Variants in JARID2 observed in about 807,000 individuals in gnomAD.
JARID2 encodes the protein jumonji and AT-rich interaction domain containing 2, also known as protein Jumonji.
In JARID2, 21 loss-of-function variants were observed where a neutral mutation model predicts 125.6. That is an observed-to-expected ratio of 0.17 (90% CI 0.12 to 0.24). The LOEUF is 0.24. Among genes scored for constraint, JARID2 ranks in the 10% least tolerant of loss-of-function variants. The pLI is 1.00. For synonymous variants in JARID2, 736 were observed against 661.6 expected (o/e 1.11, Z -1.73); for missense variants, 1,303 against 1,639.6 (o/e 0.79, Z 3.55).
intron 7 of JARID2, among the ~76,000 whole-genome samples, 186 bp from the exon 8 acceptor site, chr6:15,500,721 A>G (rs938268752): frequency 6.6e-6 from 1 of 152,108 alleles, no homozygotes. Flanking sequence ...GCAAGTGGTC[A>G]TGACCCATCA....
intron 5 of JARID2, among the ~76,000 whole-genome samples, chr6:15,473,526 C>T (rs1010789424): frequency 1.5e-5 from 1 of 67,226 alleles, no homozygotes; most frequent in Non-Finnish European, 4.4e-5. Context: ...CCCCCCCCCC[C>T]CCCCGCTTTG....
intron 5 of JARID2, among the ~76,000 whole-genome samples, chr6:15,469,346 T>TCC (rs1768931118): frequency 9.3e-5 from 1 of 10,788 alleles, no homozygotes; most frequent in African/African-American, 5.1e-4. Flanking sequence ...CCTGTCTCTC[T>TCC]CTCTCTCTCT....
At chr6:15,306,217 T>C (rs1026276505) in intron 1 of JARID2, among the ~76,000 whole-genome samples, 2 of 152,160 alleles carry the variant, frequency 1.3e-5, no homozygotes, top group Non-Finnish European at 2.9e-5. Flanking sequence ...ACAATCTCCT[T>C]TGGTGTCGAG....
intron 3 of JARID2, among the ~76,000 whole-genome samples, chr6:15,419,637 A>G (rs527430626): frequency 1.6e-4 from 25 of 152,286 alleles, no homozygotes; most frequent in Non-Finnish European, 2.8e-4. Flanking sequence ...TTCATTTCTT[A>G]TAGATATTTT....
chr6:15,452,396 TAAC>T (rs1287255088), intron 4 of JARID2, among the ~76,000 whole-genome samples: 4 of 152,154 alleles, frequency 2.6e-5, no homozygotes, highest in Admixed American at 1.3e-4. Context: ...ATATGACTCT[TAAC>T]ACCCTACTTC....
At chr6:15,267,296 AAGAC>A (rs1369250322) in intron 1 of JARID2, among the ~76,000 whole-genome samples, 1 of 152,142 alleles carries the variant, frequency 6.6e-6, no homozygotes, top group Non-Finnish European at 1.5e-5. Flanking sequence ...TATCTGACAT[AAGAC>A]AGAGTGAGGC....
intron 2 of JARID2, among the ~76,000 whole-genome samples, chr6:15,399,302 C>G (rs573052129): frequency 6.6e-6 from 1 of 152,308 alleles, no homozygotes; most frequent in African/African-American, 2.4e-5. Flanking sequence ...AGCCTCCTGT[C>G]TGTTGAGACA....
intron 1 of JARID2, among the ~76,000 whole-genome samples, chr6:15,361,961 T>A (rs1274097109): frequency 1.3e-5 from 2 of 148,828 alleles, no homozygotes; most frequent in Non-Finnish European, 3.0e-5. Flanking sequence ...AGTGGTGTGA[T>A]CTCAGCTCAC....
intron 1 of JARID2, among the ~76,000 whole-genome samples, chr6:15,344,558 G>A (rs753716949): frequency 1.3e-5 from 2 of 150,426 alleles, no homozygotes; most frequent in African/African-American, 4.9e-5. Context: ...TAACTGTTAG[G>A]TTGTGCAAGC....
At chr6:15,307,349 A>G (rs1761868294) in intron 1 of JARID2, among the ~76,000 whole-genome samples, 1 of 151,942 alleles carries the variant, frequency 6.6e-6, no homozygotes, top group Non-Finnish European at 1.5e-5. Flanking sequence ...CAGCCTCCCT[A>G]GGAGCTGGGA....
chr6:15,355,690 C>G (rs969165451), intron 1 of JARID2, among the ~76,000 whole-genome samples: 18 of 152,072 alleles, frequency 1.2e-4, no homozygotes, highest in Non-Finnish European at 2.6e-4. Context: ...CGGCTCACTG[C>G]AACCTCTGCC....
intron 1 of JARID2, among the ~76,000 whole-genome samples, chr6:15,259,161 A>G (rs1317111037): frequency 1.3e-5 from 2 of 152,194 alleles, no homozygotes; most frequent in African/African-American, 2.4e-5. Flanking sequence ...ACTTTTTTGC[A>G]TACTTTTGAA....
chr6:15,494,790 TG>T (rs1770330810), intron 6 of JARID2, among the ~76,000 whole-genome samples: 1 of 152,204 alleles, frequency 6.6e-6, no homozygotes. Flanking sequence ...ACCCGCCATC[TG>T]GGGACCTTCG....
chr6:15,300,722 T>TGAGAGAGAGAGAGAGAGA (rs57766040), intron 1 of JARID2, among the ~76,000 whole-genome samples: 3 of 111,116 alleles, frequency 2.7e-5, no homozygotes, highest in Non-Finnish European at 3.7e-5. Context: ...TGTGTGTGTG[T>TGAGAGAGAGAGAGAGAGA]GAGAGAGAGA....
intron 1 of JARID2, among the ~76,000 whole-genome samples, chr6:15,278,016 G>A (rs1351633966): frequency 1.3e-5 from 2 of 152,120 alleles, no homozygotes; most frequent in Non-Finnish European, 2.9e-5. Context: ...GGGAGGCCGA[G>A]GTGGGTGGAT....
chr6:15,369,925 A>T (rs913578470), intron 1 of JARID2, among the ~76,000 whole-genome samples: 1 of 152,152 alleles, frequency 6.6e-6, no homozygotes, highest in African/African-American at 2.4e-5. Flanking sequence ...TGGAGGAAGG[A>T]TGTCTCCCCT....
chr6:15,405,518 G>A lies in JARID2; in HGVS notation c.182-4706G>A, dbSNP rs546012568. Among the ~76,000 whole-genome samples the A allele has an allele frequency of 2.6e-5, 4 of 152,270 alleles. No individual in the cohort carries two copies. The South Asian group carries it at 8.3e-4, about 32-fold the overall frequency. On this transcript the variant is annotated intron_variant, in intron 2 of 17. Coordinates refer to ENST00000341776, the MANE Select transcript of JARID2 (RefSeq NM_004973.4). The stretch of plus-strand genomic sequence containing the variant: ...TTTTCAGCTCATATTTATTGCTTTT[G>A]TGAAAGACAATAGACATGGTTTAAT...
intron 1 of JARID2, among the ~76,000 whole-genome samples, chr6:15,364,252 G>A (rs151288436): frequency 2.2e-4 from 34 of 152,222 alleles, no homozygotes; most frequent in Non-Finnish European, 2.8e-4. Context: ...TCACCCACAG[G>A]GCCGTAATTC....
At chr6:15,427,895 T>C (rs957520035) in intron 3 of JARID2, among the ~76,000 whole-genome samples, 2 of 152,106 alleles carry the variant, frequency 1.3e-5, no homozygotes, top group African/African-American at 4.8e-5. Flanking sequence ...TTTTTTTTTT[T>C]TAATGCAGAG....
Sources: gnomAD v4.1 joint callset for allele counts (sites outside exome capture counted in the v4.1 genomes callset) on GRCh38, gnomAD v4.1.1 for gene constraint, MANE v1.5 for transcripts, NCBI Gene and HGNC (gene_info 2026-07-23, HGNC 2026-07-21) for gene names.